Variants in SPON2 observed in about 807,000 individuals in gnomAD.
SPON2 encodes spondin 2, also known as spondin-2.
In SPON2, 32 loss-of-function variants were observed where a neutral mutation model predicts 29.9. The ratio of observed to expected loss-of-function variants is 1.07; its 90% confidence interval spans 0.81 to 1.44. The LOEUF (loss-of-function observed/expected upper bound fraction) is 1.44. Among genes scored for constraint, SPON2 ranks in the 40% most tolerant of loss-of-function variants. SPON2 has a pLI of 0.00. For synonymous variants in SPON2, 248 were observed against 209.1 expected, an observed-to-expected ratio of 1.19 and a Z score of -1.61; for missense variants, 541 against 455.5, an observed-to-expected ratio of 1.19 and a Z score of -1.71.
rs919842384 is a variant in SPON2 at position 1,202,987 on chromosome 4, G to A, written c.-234+4893C>T. Among the ~76,000 whole-genome samples, 3 of 152,178 alleles carry A rather than the reference G, an allele frequency of 2.0e-5. No individual in the cohort carries two copies. The highest frequency in any genetic ancestry group is 6.5e-5 in the Admixed American group (1 of 15,290). On this transcript the variant is annotated intron_variant, in intron 1 of 3. Coordinates refer to the SPON2 transcript ENST00000509233. This position sits in a 1 kb window ranked among gnomAD's most constrained non-coding sequence, Gnocchi z 5.4. ...TCTGCGGTCCCAAAGGTGCCCCAGG[G>A]TCTCATCCCTTGCCATGATTCTGTC...
At chr4:1,187,383 T>C in intron 1 of SPON2, among the ~76,000 whole-genome samples, 1 of 151,942 alleles carries the variant, frequency 6.6e-6, no homozygotes, top group East Asian at 1.9e-4. Flanking sequence ...AAATGGGGAG[T>C]TGTTGTTTAA....
intron 1 of SPON2, among the ~76,000 whole-genome samples, chr4:1,181,115 A>G (rs1727693748): frequency 6.6e-6 from 1 of 152,248 alleles, no homozygotes; most frequent in Non-Finnish European, 1.5e-5. Flanking sequence ...GCCAAGGACA[A>G]AGAGAGAATC....
At chr4:1,203,183 G>T (rs1728256784) in intron 1 of SPON2, among the ~76,000 whole-genome samples, 2 of 152,172 alleles carry the variant, frequency 1.3e-5, no homozygotes, top group Admixed American at 1.3e-4. Flanking sequence ...AATTTCTGTT[G>T]CTTATAAATT....
At chr4:1,170,958 G>A in intron 4 of SPON2, 41 bp downstream of exon 4, 4 of 1,545,134 alleles carry the variant, frequency 2.6e-6, no homozygotes, top group East Asian at 2.5e-5. Flanking sequence ...CCCCACCGCG[G>A]GGGCCATAGC....
At chr4:1,198,478 G>T (rs1214183144), upstream of SPON2, among the ~76,000 whole-genome samples, 2 of 152,176 alleles carry the variant, frequency 1.3e-5, no homozygotes, top group Non-Finnish European at 2.9e-5. Context: ...TCAAAAACCT[G>T]ATGTGGAACA....
At chr4:1,208,595 C>G (rs61746926), upstream of SPON2, 1 of 152,346 alleles carries the variant, frequency 6.6e-6, no homozygotes, top group African/African-American at 2.4e-5. Context: ...GGAGAATCAC[C>G]GCTTCCTCCT....
intron 1 of SPON2, 113 bp from the exon 2 acceptor site, chr4:1,172,187 G>C: frequency 1.2e-6 from 1 of 858,666 alleles, no homozygotes; most frequent in Non-Finnish European, 1.8e-6. Flanking sequence ...GAGCACCCGC[G>C]ACCCCCTCCC....
At chr4:1,195,609 G>A (rs1576996956), upstream of SPON2, among the ~76,000 whole-genome samples, 2 of 152,312 alleles carry the variant, frequency 1.3e-5, no homozygotes, top group African/African-American at 4.8e-5. Flanking sequence ...GGGCTGGAGG[G>A]TGGGCTCTGT....
upstream of SPON2, among the ~76,000 whole-genome samples, chr4:1,177,603 G>C (rs1038676831): frequency 6.6e-6 from 1 of 152,134 alleles, no homozygotes; most frequent in South Asian, 2.1e-4. Flanking sequence ...CTGTGGCCCT[G>C]CCCCGGGCCC....
At chr4:1,172,895 CCT>C (rs1560203129), upstream of SPON2, 2 of 5,228 alleles carry the variant, frequency 3.8e-4, no homozygotes, top group East Asian at 0.012. Context: ...CCTCCCCTCC[CCT>C]CCTCCCCTCC....
rs866876180 is a variant in SPON2, at chr4:1,202,900, A to G, written c.-234+4980T>C. Among the ~76,000 whole-genome samples, 1 of 152,060 alleles carries G rather than the reference A, an allele frequency of 6.6e-6. No individual in the cohort carries two copies. The highest frequency in any genetic ancestry group is 2.4e-5 in the African/African-American group (1 of 41,402). On this transcript the variant is annotated intron_variant, in intron 1 of 3. Transcript: ENST00000509233. This position sits in a 1 kb window ranked among gnomAD's most constrained non-coding sequence, Gnocchi z 5.4. ...AGCTGCGCCTGCACCTGCCTGAGCC[A>G]TGGCTGGGGCGGCCAAGGAGGGCTG...
At chr4:1,186,037 G>C (rs574851105) in intron 1 of SPON2, among the ~76,000 whole-genome samples, 3 of 150,478 alleles carry the variant, frequency 2.0e-5, no homozygotes, top group African/African-American at 7.3e-5. Context: ...GAGGTCAGGA[G>C]ATCGAGACCA....
Position 1,171,682 on chromosome 4 carries a change from A to G in SPON2, c.220+170T>C. Reference sequence around the variant, plus strand: ...CTCCCCGTGAGCGCCCCCTGCCCCCACCGCATCCCCGGAACCGCACACCGC... The same window carrying G: ...CTCCCCGTGAGCGCCCCCTGCCCCCGCCGCATCCCCGGAACCGCACACCGC... On this transcript the variant is annotated intron_variant, in intron 2 of 5. Coordinates refer to ENST00000290902, the MANE Select transcript of SPON2 (RefSeq NM_012445.4). The G allele has an allele frequency of 5.3e-6, 4 of 758,812 alleles. No homozygotes were observed. The South Asian group carries it at 7.0e-5, about 13-fold the overall frequency. The allele number at this position is 758,812 out of a possible 1,614,324, so 47.0% of individuals were successfully genotyped here.
chr4:1,176,940 A>G (rs1351688046), upstream of SPON2, among the ~76,000 whole-genome samples: 5 of 151,688 alleles, frequency 3.3e-5, no homozygotes, highest in African/African-American at 1.2e-4. Context: ...TGCATCTCAG[A>G]GATGGGGACA....
chr4:1,172,899 C>G (rs1405952848), upstream of SPON2: 1 of 92,958 alleles, frequency 1.1e-5, no homozygotes, highest in East Asian at 3.3e-4. Context: ...CCCTCCCCTC[C>G]TCCCCTCCCC....
At chr4:1,180,966 A>T (rs1361362757) in intron 1 of SPON2, among the ~76,000 whole-genome samples, 1 of 152,220 alleles carries the variant, frequency 6.6e-6, no homozygotes, top group Non-Finnish European at 1.5e-5. Context: ...GCAGAAAATT[A>T]TTTGATGAAA....
At chr4:1,174,486 C>CAGAAAAAAAAAAAA (rs1727549448), upstream of SPON2, among the ~76,000 whole-genome samples, 1 of 94,294 alleles carries the variant, frequency 1.1e-5, no homozygotes, top group African/African-American at 4.4e-5. Context: ...GACTCCATCT[C>CAGAAAAAAAAAAAA]AAAAAAAAAA....
chr4:1,175,345 C>T (rs1408406512), upstream of SPON2, among the ~76,000 whole-genome samples: 2 of 152,254 alleles, frequency 1.3e-5, no homozygotes, highest in African/African-American at 4.8e-5. Context: ...CCAGGCTCAC[C>T]CAGTCTCACA....
chr4:1,185,288 C>G (rs1176779586), intron 1 of SPON2, among the ~76,000 whole-genome samples: 1 of 151,616 alleles, frequency 6.6e-6, no homozygotes, highest in East Asian at 2.0e-4. Context: ...ATTGGCCAGG[C>G]TGGTCTTGAA....
Sources: allele counts gnomAD v4.1 joint callset (sites outside exome capture counted in the v4.1 genomes callset), GRCh38; gene constraint gnomAD v4.1.1; non-coding constraint Gnocchi (gnomAD v3.1); transcripts MANE v1.5; gene names NCBI Gene and HGNC (gene_info 2026-07-23, HGNC 2026-07-21).